Variants in CHKA observed in about 807,000 individuals in gnomAD.
CHKA encodes the protein choline kinase alpha.
Under a neutral mutation model 60.1 loss-of-function variants are expected in CHKA, and 34 were observed. The observed-to-expected ratio is 0.57, with a 90% CI of 0.43 to 0.75. The LOEUF is 0.75. Ranked by LOEUF, CHKA falls within the 30% of genes least tolerant of loss-of-function variation. CHKA has a pLI of 0.00. For synonymous variants in CHKA, 217 were observed against 223.1 expected (o/e 0.97, Z 0.24); for missense variants, 563 against 561.3 (o/e 1.00, Z -0.03).
At chr11:68,104,982 T>TA (rs1857859329) in intron 1 of CHKA, among the ~76,000 whole-genome samples, 1 of 151,608 alleles carries the variant, frequency 6.6e-6, no homozygotes, top group Non-Finnish European at 1.5e-5. Flanking sequence ...CACATGTCTG[T>TA]AATCTCAGCT....
intron 2 of CHKA, among the ~76,000 whole-genome samples, chr11:68,083,959 T>C (rs571933676): frequency 2.2e-4 from 34 of 151,620 alleles, no homozygotes; most frequent in Non-Finnish European, 4.1e-4. Context: ...TAAATATATT[T>C]TGGGGCCGGC....
At chr11:68,111,354 G>T (rs546689115) in intron 1 of CHKA, among the ~76,000 whole-genome samples, 2 of 152,036 alleles carry the variant, frequency 1.3e-5, no homozygotes, top group South Asian at 4.1e-4. Context: ...AGAGGTTGCA[G>T]TGAGCCGAGA....
At chr11:68,086,080 C>T (rs895981306) in intron 2 of CHKA, among the ~76,000 whole-genome samples, 6 of 152,098 alleles carry the variant, frequency 3.9e-5, no homozygotes, top group Non-Finnish European at 8.8e-5. Context: ...TTTGGGAGGC[C>T]GAGGCAGGCG....
chr11:68,088,101 A>G (rs1857239714), intron 2 of CHKA, among the ~76,000 whole-genome samples: 1 of 76,412 alleles, frequency 1.3e-5, no homozygotes, highest in Non-Finnish European at 2.4e-5. Context: ...CGACAGTGGG[A>G]GGCTGTCTCA....
At chr11:68,061,800 C>T (rs1453606565) in intron 11 of CHKA, 153 bp downstream of exon 11, 1 of 679,222 alleles carries the variant, frequency 1.5e-6, no homozygotes, top group Admixed American at 2.1e-5. Context: ...GCCACACTGT[C>T]CTGATGCCAC....
intron 2 of CHKA, among the ~76,000 whole-genome samples, chr11:68,085,463 C>G (rs954098109): frequency 2.0e-5 from 3 of 151,974 alleles, no homozygotes; most frequent in Admixed American, 6.6e-5. Flanking sequence ...TCAAGTGATC[C>G]TCCTGCCACA....
chr11:68,120,586 G>T (rs1464693626), intron 1 of CHKA, among the ~76,000 whole-genome samples: 2 of 152,208 alleles, frequency 1.3e-5, no homozygotes, highest in African/African-American at 4.8e-5. Context: ...TGAAACCGAC[G>T]TTTTTACAAA....
intron 11 of CHKA, among the ~76,000 whole-genome samples, chr11:68,060,194 A>ATT (rs927628768): frequency 6.9e-6 from 1 of 144,970 alleles, no homozygotes; most frequent in Admixed American, 6.9e-5. Flanking sequence ...GGCCCAGCTA[A>ATT]TTTTTTTTTT....
intron 1 of CHKA, among the ~76,000 whole-genome samples, chr11:68,120,229 C>CA (rs148814034): frequency 0.058 from 6,778 of 116,244 alleles, 382 homozygotes; most frequent in African/African-American, 0.16. Context: ...AACTCCGTCT[C>CA]AAAAAAAAAA....
At chr11:68,095,067 T>C (rs529909063) in intron 2 of CHKA, among the ~76,000 whole-genome samples, 55 of 152,234 alleles carry the variant, frequency 3.6e-4, no homozygotes, top group African/African-American at 1.3e-3. Context: ...ACTACTCTGC[T>C]CTATTTCATT....
intron 2 of CHKA, among the ~76,000 whole-genome samples, chr11:68,087,988 C>T (rs1857234885): frequency 6.6e-6 from 1 of 151,880 alleles, no homozygotes; most frequent in Non-Finnish European, 1.5e-5. Context: ...TGGCACATGC[C>T]TGTAATCCCA....
At chr11:68,089,276 CCTCT>C (rs1449183316) in intron 2 of CHKA, among the ~76,000 whole-genome samples, 2 of 152,172 alleles carry the variant, frequency 1.3e-5, no homozygotes, top group East Asian at 1.9e-4. Flanking sequence ...AAATACCCTC[CCTCT>C]AAGTATCCCA....
intron 11 of CHKA, among the ~76,000 whole-genome samples, chr11:68,057,922 G>T (rs535507621): frequency 6.6e-5 from 10 of 152,008 alleles, no homozygotes; most frequent in Middle Eastern, 3.4e-3. Flanking sequence ...TTTGAGATGG[G>T]GTCTTGCTCT....
intron 11 of CHKA, among the ~76,000 whole-genome samples, chr11:68,060,641 A>G (rs534529239): frequency 6.6e-6 from 1 of 152,246 alleles, no homozygotes; most frequent in South Asian, 2.1e-4. Context: ...TGAATCTGCC[A>G]TTTTCTTCTT....
intron 6 of CHKA, 151 bp from the exon 7 acceptor site, chr11:68,069,088 C>G: frequency 1.6e-6 from 1 of 608,412 alleles, no homozygotes; most frequent in Non-Finnish European, 3.0e-6. Context: ...ACAACTGCGT[C>G]ATTACGTGGC....
chr11:68,087,912 AGACCAGCCT>A (rs1297934755), intron 2 of CHKA, among the ~76,000 whole-genome samples: 1 of 152,116 alleles, frequency 6.6e-6, no homozygotes, highest in African/African-American at 2.4e-5. Flanking sequence ...TGGGAATTTG[AGACCAGCCT>A]GACCAACATG....
intron 4 of CHKA, 64 bp downstream of exon 4, chr11:68,074,653 G>A: frequency 2.1e-6 from 3 of 1,399,744 alleles, no homozygotes; most frequent in Admixed American, 3.4e-5. Flanking sequence ...TTGCAGCAAT[G>A]AGACAAAGAA....
Position 68,104,269 on chromosome 11 carries a change from T to C in CHKA, c.351-7139A>G, listed in dbSNP as rs139419689. 2.6e-5 allele frequency among the ~76,000 whole-genome samples: 4 copies of C among 152,224 alleles called. 1 individual carries two copies. The East Asian group carries it at 7.7e-4, about 29-fold the overall frequency. ...CAGTAACAATGTGATCTCACTTGTG[T>C]AGAATCTAAAAAAGTTGATCTCATA... On this transcript the variant is annotated intron_variant, in intron 1 of 11. Transcript: ENST00000265689.
At chr11:68,086,461 G>A (rs1719396277) in intron 2 of CHKA, among the ~76,000 whole-genome samples, 1 of 152,150 alleles carries the variant, frequency 6.6e-6, no homozygotes, top group South Asian at 2.1e-4. Context: ...CAATATAGCA[G>A]GTATATTTCT....
Sources: gnomAD v4.1 joint callset for allele counts (sites outside exome capture counted in the v4.1 genomes callset) on GRCh38, gnomAD v4.1.1 for gene constraint, MANE v1.5 for transcripts, NCBI Gene and HGNC (gene_info 2026-07-23, HGNC 2026-07-21) for gene names.